The following NR3C2 variants were observed in gnomAD, a reference collection of about 807,000 sequenced individuals.
NR3C2 encodes the protein mineralocorticoid receptor.
NR3C2 carries 15 observed loss-of-function variants against 86.4 expected under a neutral mutation model. The ratio of observed to expected loss-of-function variants is 0.17; its 90% CI spans 0.12 to 0.27. NR3C2 has a LOEUF of 0.27. NR3C2 is among the 10% of genes least tolerant of loss of function. The probability of loss-of-function intolerance (pLI) is 1.00; values close to 1 mark genes in which losing one functional copy is unlikely to be tolerated. For synonymous variants in NR3C2, 458 were observed against 450.5 expected, an observed-to-expected ratio of 1.02 and a Z score of -0.21; for missense variants, 960 against 1,195.6, an observed-to-expected ratio of 0.80 and a Z score of 2.91.
At chr4:148,190,890 G>A (rs947318609) in intron 4 of NR3C2, among the ~76,000 whole-genome samples, 22 of 152,170 alleles carry the variant, frequency 1.4e-4, no homozygotes, top group Non-Finnish European at 2.2e-4. Context: ...GTTTCCTGAA[G>A]GCAGCAGATA....
intron 8 of NR3C2, among the ~76,000 whole-genome samples, chr4:148,109,291 TG>T (rs1456385530): frequency 6.6e-6 from 1 of 152,168 alleles, no homozygotes; most frequent in Non-Finnish European, 1.5e-5. Flanking sequence ...CCCAGCATGC[TG>T]CCCTGTGACC....
intron 3 of NR3C2, among the ~76,000 whole-genome samples, chr4:148,224,700 T>TCTAAGCTTTCAGAAG (rs1412774056): frequency 6.6e-6 from 1 of 152,186 alleles, no homozygotes; most frequent in Admixed American, 6.5e-5. Context: ...CTCTGCCATG[T>TCTAAGCTTTCAGAAG]CTTAGAAAAC....
intron 3 of NR3C2, among the ~76,000 whole-genome samples, chr4:148,213,700 A>C (rs1489462207): frequency 6.6e-6 from 1 of 152,254 alleles, no homozygotes; most frequent in African/African-American, 2.4e-5. Flanking sequence ...GATTAAAGTT[A>C]AAATAAAATC....
intron 6 of NR3C2, among the ~76,000 whole-genome samples, chr4:148,144,094 C>T (rs72961578): frequency 0.064 from 9,748 of 152,054 alleles, 1,033 homozygotes; most frequent in African/African-American, 0.22. Context: ...TGCTCAGTCT[C>T]GGAACTTCTC....
chr4:148,430,389 A>G (rs1029066313), intron 2 of NR3C2, among the ~76,000 whole-genome samples: 1 of 152,176 alleles, frequency 6.6e-6, no homozygotes, highest in Admixed American at 6.5e-5. Context: ...AGTACACTGT[A>G]CATAGTGATT....
intron 2 of NR3C2, among the ~76,000 whole-genome samples, chr4:148,393,963 G>A (rs1747723968): frequency 6.6e-6 from 1 of 152,200 alleles, no homozygotes; most frequent in Non-Finnish European, 1.5e-5. Flanking sequence ...GCAGGGCTAG[G>A]CAGAAGTGAC....
intron 4 of NR3C2, among the ~76,000 whole-genome samples, chr4:148,170,036 G>A (rs1005345977): frequency 7.2e-5 from 11 of 152,120 alleles, no homozygotes; most frequent in South Asian, 4.1e-4. Context: ...TTAAAAATTC[G>A]GTCTACACCA....
chr4:148,222,440 G>A (rs1383300309), intron 3 of NR3C2, among the ~76,000 whole-genome samples: 2 of 152,140 alleles, frequency 1.3e-5, no homozygotes, highest in South Asian at 2.1e-4. Flanking sequence ...GTTATCCAAA[G>A]CTACTGAAAA....
At chr4:148,294,823 TAAA>T (rs987056994) in intron 2 of NR3C2, among the ~76,000 whole-genome samples, 4 of 150,180 alleles carry the variant, frequency 2.7e-5, no homozygotes, top group African/African-American at 7.4e-5. Flanking sequence ...CAAAAAAAAA[TAAA>T]AAAAATAAAA....
intron 1 of NR3C2, among the ~76,000 whole-genome samples, chr4:148,438,608 A>C (rs1489082777): frequency 2.6e-5 from 4 of 152,172 alleles, no homozygotes; most frequent in African/African-American, 9.7e-5. Context: ...CTTCATTTAA[A>C]AAAAAACAAA....
At chr4:148,085,689 A>G (rs551991827) in intron 8 of NR3C2, among the ~76,000 whole-genome samples, 21 of 152,346 alleles carry the variant, frequency 1.4e-4, no homozygotes, top group Non-Finnish European at 2.4e-4. Context: ...AAAAAAATCA[A>G]TGAATCCAGG....
intron 2 of NR3C2, among the ~76,000 whole-genome samples, chr4:148,346,092 G>A (rs763615447): frequency 1.3e-5 from 2 of 152,100 alleles, no homozygotes; most frequent in Non-Finnish European, 2.9e-5. Context: ...AGCTGAAATG[G>A]AGAGAGGGGA....
intron 3 of NR3C2, among the ~76,000 whole-genome samples, chr4:148,213,728 C>A (rs1737393523): frequency 6.6e-6 from 1 of 152,184 alleles, no homozygotes; most frequent in Non-Finnish European, 1.5e-5. Flanking sequence ...ATGGGGCATG[C>A]AACGTTCTCA....
intron 3 of NR3C2, among the ~76,000 whole-genome samples, chr4:148,243,082 GT>G (rs960215288): frequency 3.0e-4 from 46 of 151,060 alleles, no homozygotes; most frequent in African/African-American, 1.1e-3. Flanking sequence ...CCAGGCTGGA[GT>G]ACAGTGGTAT....
chr4:148,401,461 C>CT (rs397881130), intron 2 of NR3C2, among the ~76,000 whole-genome samples: 58,182 of 116,876 alleles, frequency 0.5, 16,719 homozygotes, highest in East Asian at 0.74. Flanking sequence ...AAAGTTGTCT[C>CT]TTTTTTTTTT....
At chr4:148,381,561 AC>A (rs1351849031) in intron 2 of NR3C2, among the ~76,000 whole-genome samples, 1 of 152,194 alleles carries the variant, frequency 6.6e-6, no homozygotes, top group African/African-American at 2.4e-5. Flanking sequence ...TTCTGTCCAC[AC>A]CCATGACGAA....
At chr4:148,321,977 T>C (rs1268603056) in intron 2 of NR3C2, among the ~76,000 whole-genome samples, 5 of 152,352 alleles carry the variant, frequency 3.3e-5, no homozygotes, top group African/African-American at 1.2e-4. Context: ...CTAGTCTTGA[T>C]GGTCTTTACA....
At chr4:148,334,825 T>C (rs1164123267) in intron 2 of NR3C2, among the ~76,000 whole-genome samples, 4 of 152,202 alleles carry the variant, frequency 2.6e-5, no homozygotes, top group African/African-American at 9.6e-5. Flanking sequence ...GAGTTCGAGA[T>C]GTTAGCAGGG....
chr4:148,256,437 T>C (rs1184764273), intron 3 of NR3C2, among the ~76,000 whole-genome samples: 2 of 152,194 alleles, frequency 1.3e-5, no homozygotes, highest in Non-Finnish European at 2.9e-5. Context: ...ATCTAGTATT[T>C]TGGTGCTACT....
Sources: allele counts gnomAD v4.1 joint callset (sites outside exome capture counted in the v4.1 genomes callset), GRCh38; gene constraint gnomAD v4.1.1; transcripts MANE v1.5; gene names NCBI Gene and HGNC (gene_info 2026-07-23, HGNC 2026-07-21).